Variants in GRM7 observed in about 807,000 individuals in gnomAD.
The protein encoded by GRM7 is glutamate metabotropic receptor 7, also known as metabotropic glutamate receptor 7.
A neutral mutation model predicts 84.5 loss-of-function variants in GRM7; 35 were observed. That is an observed-to-expected ratio of 0.41 (90% CI 0.32 to 0.55). The LOEUF is 0.55. Ranked by LOEUF, GRM7 falls within the 20% of genes least tolerant of loss-of-function variation. GRM7 has a pLI of 0.19. For missense variants in GRM7, 1,003 were observed against 1,194.6 expected (o/e 0.84, Z 2.36); for synonymous variants, 487 against 455.1 (o/e 1.07, Z -0.89).
At chr3:7,333,160 C>T (rs1701275147) in intron 4 of GRM7, among the ~76,000 whole-genome samples, 1 of 151,384 alleles carries the variant, frequency 6.6e-6, no homozygotes, top group Non-Finnish European at 1.5e-5. Flanking sequence ...AGTCTGCCCA[C>T]ATGACAACTT....
At chr3:6,947,951 C>G (rs1698153385) in intron 1 of GRM7, among the ~76,000 whole-genome samples, 1 of 152,028 alleles carries the variant, frequency 6.6e-6, no homozygotes, top group East Asian at 1.9e-4. Flanking sequence ...CTCTTTTCTT[C>G]TTTATTAGTC....
chr3:7,171,507 C>T (rs1469773791), intron 2 of GRM7, among the ~76,000 whole-genome samples: 3 of 152,172 alleles, frequency 2.0e-5, no homozygotes, highest in East Asian at 1.9e-4. Context: ...GCACCACACA[C>T]TTCCACTTTC....
In GRM7 at chr3:7,735,467, T is replaced by G. The variant is rs146611271; in HGVS notation, c.2699-4890T>G. Among the ~76,000 whole-genome samples, 61 of 139,510 alleles carry G rather than the reference T, an allele frequency of 4.4e-4. 1 individual carries two copies. The East Asian group carries it at 0.012, about 28-fold the overall frequency. 91.5% of individuals were successfully genotyped at this position (139,510 alleles called of 152,430 possible). On this transcript the variant is annotated intron_variant, in intron 9 of 9. Transcript: ENST00000357716. ...TGCTATCTAGCCTCTGGTCTCTATTTCTTTTTTGATTTGCTAAATGGTTTT... is the reference window on the plus strand; with the variant it reads ...TGCTATCTAGCCTCTGGTCTCTATTGCTTTTTTGATTTGCTAAATGGTTTT...
chr3:7,460,098 GT>G (rs1227347821), intron 6 of GRM7, among the ~76,000 whole-genome samples: 1 of 5,954 alleles, frequency 1.7e-4, no homozygotes, highest in East Asian at 3.4e-3. Flanking sequence ...GCTTAAAATA[GT>G]AAAAAAAAAA....
At chr3:7,484,417 A>G (rs1200244562) in intron 7 of GRM7, among the ~76,000 whole-genome samples, 1 of 152,242 alleles carries the variant, frequency 6.6e-6, no homozygotes, top group East Asian at 1.9e-4. Flanking sequence ...GGATTAATTT[A>G]TACTGGATAA....
At chr3:7,307,459 A>C (rs1056459843) in intron 4 of GRM7, among the ~76,000 whole-genome samples, 17 of 152,182 alleles carry the variant, frequency 1.1e-4, no homozygotes, top group African/African-American at 3.9e-4. Flanking sequence ...AAAGAACTCT[A>C]TCCTCTCACT....
At chr3:7,522,434 G>A (rs1700631098) in intron 7 of GRM7, among the ~76,000 whole-genome samples, 3 of 151,950 alleles carry the variant, frequency 2.0e-5, no homozygotes, top group Non-Finnish European at 1.5e-5. Context: ...CTATGCTTAC[G>A]TTTCCATTAA....
At chr3:7,685,751 A>G (rs1700557577) in intron 9 of GRM7, among the ~76,000 whole-genome samples, 1 of 152,074 alleles carries the variant, frequency 6.6e-6, no homozygotes, top group South Asian at 2.1e-4. Context: ...AATTTGTTAC[A>G]TAAACTAGGA....
chr3:7,271,693 CTCTT>C (rs1421918386), intron 2 of GRM7, among the ~76,000 whole-genome samples: 1 of 151,922 alleles, frequency 6.6e-6, no homozygotes, highest in Admixed American at 6.6e-5. Flanking sequence ...AAAAACTCCT[CTCTT>C]TGTCAGCCTA....
At chr3:7,233,873 T>C (rs1697269486) in intron 2 of GRM7, among the ~76,000 whole-genome samples, 3 of 152,144 alleles carry the variant, frequency 2.0e-5, no homozygotes, top group African/African-American at 4.8e-5. Flanking sequence ...AGACCTCTAA[T>C]CTAAAGCACT....
At chr3:7,009,410 C>T (rs1480285276) in intron 1 of GRM7, among the ~76,000 whole-genome samples, 1 of 152,132 alleles carries the variant, frequency 6.6e-6, no homozygotes, top group East Asian at 1.9e-4. Context: ...GTAGTACTGA[C>T]CCAAGGTCGC....
rs377683547 is a variant in GRM7 at position 6,892,105 on chromosome 3, T to C, written c.519+30198T>C. 2.6e-3 allele frequency among the ~76,000 whole-genome samples: 397 copies of C among 152,320 alleles called. 10 individuals carry two copies. In the South Asian group the frequency reaches 0.06, roughly 23 times the overall value. On this transcript the variant is annotated intron_variant, in intron 1 of 9. Coordinates refer to ENST00000357716, the MANE Select transcript of GRM7 (RefSeq NM_000844.4). ...CCATCAGCTCCTTTAAGCACTTCTC[T>C]GTATTGGTTATTCTAGTTATACATT... is the stretch of plus-strand genomic sequence containing the variant.
rs1367627801 is a variant in GRM7, at chr3:6,863,639, C to G, written c.519+1732C>G. 6.6e-6 allele frequency among the ~76,000 whole-genome samples: 1 copy of G among 152,122 alleles called. No homozygotes were observed. The highest frequency in any genetic ancestry group is 1.5e-5 in the Non-Finnish European group (1 of 68,020). ...CCTGGCTTGTAGCTGAAACCCAGAG[C>G]CCTTCCTTCATCTTTGAGCTTAAAG... On this transcript the variant is annotated intron_variant, in intron 1 of 9. Transcript: ENST00000357716. The surrounding 1 kb of genome is among the most constrained non-coding windows in gnomAD (Gnocchi z 4.8).
At chr3:7,405,029 C>T (rs779995914) in intron 4 of GRM7, among the ~76,000 whole-genome samples, 3 of 152,030 alleles carry the variant, frequency 2.0e-5, no homozygotes, top group Non-Finnish European at 2.9e-5. Flanking sequence ...CTATGAGAAC[C>T]AGAGAACAGT....
At chr3:7,403,942 G>C (rs1208585446) in intron 4 of GRM7, among the ~76,000 whole-genome samples, 1 of 151,822 alleles carries the variant, frequency 6.6e-6, no homozygotes, top group Admixed American at 6.6e-5. Flanking sequence ...GGATATATGA[G>C]CGATGAAATT....
intron 2 of GRM7, among the ~76,000 whole-genome samples, chr3:7,216,304 A>G (rs548327204): frequency 6.6e-6 from 1 of 152,316 alleles, no homozygotes; most frequent in South Asian, 2.1e-4. Context: ...TCATGTTGGT[A>G]TAATTATATA....
At chr3:7,617,101 T>C (rs1697121534) in intron 8 of GRM7, among the ~76,000 whole-genome samples, 1 of 152,110 alleles carries the variant, frequency 6.6e-6, no homozygotes, top group Non-Finnish European at 1.5e-5. Context: ...CTTTACCCAT[T>C]TATGCTGGAG....
At chr3:7,715,558 G>A (rs1701745389) in intron 9 of GRM7, among the ~76,000 whole-genome samples, 1 of 152,166 alleles carries the variant, frequency 6.6e-6, no homozygotes. Context: ...TGTCTACTAA[G>A]TGTCTGTGTT....
intron 2 of GRM7, among the ~76,000 whole-genome samples, chr3:7,159,608 C>G (rs1694560704): frequency 6.6e-6 from 1 of 152,134 alleles, no homozygotes; most frequent in East Asian, 1.9e-4. Flanking sequence ...AATCGAACAC[C>G]TGAATATGAC....
Sources: allele counts gnomAD v4.1 joint callset (sites outside exome capture counted in the v4.1 genomes callset), GRCh38; gene constraint gnomAD v4.1.1; non-coding constraint Gnocchi (gnomAD v3.1); transcripts MANE v1.5; gene names NCBI Gene and HGNC (gene_info 2026-07-23, HGNC 2026-07-21).